CWF19L1: variants seen among roughly 807,000 people sequenced by gnomAD.
CWF19L1 encodes the protein CWF19 like cell cycle control factor 1.
Under a neutral mutation model 69.7 loss-of-function variants are expected in CWF19L1, and 60 were observed. That is an observed-to-expected ratio of 0.86 (90% CI 0.70 to 1.07). The LOEUF is 1.07. CWF19L1 is among the 50% of genes least tolerant of loss of function. The pLI is 0.00. For missense variants in CWF19L1, 591 were observed against 638.9 expected (o/e 0.92, Z 0.81); for synonymous variants, 209 against 222.2 (o/e 0.94, Z 0.53).
chr10:100,238,619 A>G (rs1846531766), intron 10 of CWF19L1, among the ~76,000 whole-genome samples: 2 of 152,146 alleles, frequency 1.3e-5, no homozygotes, highest in South Asian at 4.1e-4. Context: ...ACAAAAAGAT[A>G]CAACTTCTGA....
At chr10:100,247,301 ACT>A (rs1242682556) in intron 7 of CWF19L1, among the ~76,000 whole-genome samples, 1 of 152,160 alleles carries the variant, frequency 6.6e-6, no homozygotes, top group Admixed American at 6.5e-5. Flanking sequence ...ATCTTTGTGT[ACT>A]CTGTCCACAG....
rs1393371884 is a variant in CWF19L1, at chr10:100,256,308, A to G, written c.458T>C (p.Leu153Pro). 3.1e-6 allele frequency: 5 copies of G among 1,614,066 alleles called. No homozygotes were observed. The highest frequency in any genetic ancestry group is 4.2e-6 in the Non-Finnish European group (5 of 1,180,022). Residue 153 changes from leucine (L) to proline (P), a missense_variant, in exon 5 of 14, where the codon CTC becomes CCC. This residue lies in a region of CWF19L1 where 458 missense variants were observed against 489.3 expected (regional missense o/e 0.94). Transcript: ENST00000354105. ...TSQFKGVDIL[L>P]TSPWPKCVGN... ...CACACACTTGGGCCATGGGGATGTG[A>G]GCAAGATATCAACACCCTTAAACTG...
intron 10 of CWF19L1, among the ~76,000 whole-genome samples, chr10:100,242,673 CAA>C (rs397844633): frequency 0.25 from 22,295 of 88,550 alleles, 3,869 homozygotes; most frequent in African/African-American, 0.53. Context: ...GACTCCATCT[CAA>C]AAAAAAAAAA....
chr10:100,260,161 C>T, intron 4 of CWF19L1, 57 bp downstream of exon 4: 1 of 1,149,264 alleles, frequency 8.7e-7, no homozygotes, highest in South Asian at 1.3e-5. Context: ...GAGCAAGACT[C>T]CGTCTCAAAA....
At chr10:100,251,333 A>G (rs998409538) in intron 6 of CWF19L1, among the ~76,000 whole-genome samples, 2 of 152,160 alleles carry the variant, frequency 1.3e-5, no homozygotes, top group Non-Finnish European at 2.9e-5. Flanking sequence ...CACTCTCACC[A>G]GCAATGTGTG....
Position 100,246,936 on chromosome 10 carries a change from CT to C in CWF19L1, c.709-2del. The C allele has an allele frequency of 1.3e-6, 2 of 1,596,996 alleles. No homozygotes were observed. The highest frequency in any genetic ancestry group is 1.7e-6 in the Non-Finnish European group (2 of 1,168,626). On this transcript the variant is annotated splice_acceptor_variant, in intron 7 of 13. Transcript: ENST00000354105. LOFTEE classifies it high-confidence loss of function. Reference sequence around the variant, plus strand: ...GAACAATACTGAACGCGTAAAGATACTTTAGAGAAAAAGAACATAATGACAT... The same window carrying C: ...GAACAATACTGAACGCGTAAAGATACTTAGAGAAAAAGAACATAATGACAT...
chr10:100,239,947 C>T (rs371677827), intron 10 of CWF19L1, among the ~76,000 whole-genome samples: 33 of 152,320 alleles, frequency 2.2e-4, no homozygotes, highest in African/African-American at 7.5e-4. Context: ...AAGCCTGAGT[C>T]GTCTAGCTAT....
At chr10:100,257,550 G>A (rs1033202527) in intron 4 of CWF19L1, among the ~76,000 whole-genome samples, 1 of 151,584 alleles carries the variant, frequency 6.6e-6, no homozygotes, top group African/African-American at 2.4e-5. Flanking sequence ...TGCCCACCTC[G>A]ACCTCCCAAG....
At chr10:100,240,680 G>A (rs1846607203) in intron 10 of CWF19L1, among the ~76,000 whole-genome samples, 1 of 152,186 alleles carries the variant, frequency 6.6e-6, no homozygotes, top group Non-Finnish European at 1.5e-5. Flanking sequence ...GAGCAGCACT[G>A]AGCTATGTCA....
chr10:100,238,250 G>T lies in CWF19L1; in HGVS notation c.1045-19C>A. ...GGTAGCACTGAAGAAGCAGCACACA[G>T]AATTGAGACATCAATACAGCATGTA... On this transcript the variant is annotated intron_variant, in intron 10 of 13. Transcript: ENST00000354105. 1.2e-6 allele frequency: 2 copies of T among 1,610,122 alleles called. No individual in the cohort carries two copies. Among genetic ancestry groups the T allele is most frequent in the Non-Finnish European group, 8.5e-7 (1 of 1,176,412 alleles).
At chr10:100,241,529 C>T (rs1342083714) in intron 10 of CWF19L1, among the ~76,000 whole-genome samples, 1 of 152,202 alleles carries the variant, frequency 6.6e-6, no homozygotes, top group East Asian at 1.9e-4. Context: ...GATGAAGGCA[C>T]CTGTCTTCAG....
In CWF19L1 at chr10:100,245,799, G is replaced by A. The variant is rs557407789; in HGVS notation, c.964C>T (p.Pro322Ser). The part of the protein sequence containing the change: ...SPHPKQPRKP[P>S]QPPGPCWFCL... ...AAACCTCTGGAATAAAGGTACTTACGAGGTTTGCGAGGCTGCTTTGGATGA... is the reference window on the plus strand; with the variant it reads ...AAACCTCTGGAATAAAGGTACTTACAAGGTTTGCGAGGCTGCTTTGGATGA... The change falls in exon 9 of 14, where the codon CCT (proline) becomes TCT (serine). Residue 322 changes from proline to serine, a missense_variant and splice_region_variant. By Grantham distance (74) the Pro-to-Ser change is moderately conservative. Transcript: ENST00000354105. 4.5e-5 allele frequency: 72 copies of A among 1,610,454 alleles called. No individual in the cohort carries two copies. Among genetic ancestry groups the A allele is most frequent in the Admixed American group, 1.8e-4 (11 of 60,012 alleles).
intron 7 of CWF19L1, among the ~76,000 whole-genome samples, chr10:100,249,502 T>C (rs953186336): frequency 1.3e-5 from 2 of 152,156 alleles, no homozygotes; most frequent in African/African-American, 4.8e-5. Context: ...TGTTTTCCAA[T>C]ACAAAGATAG....
At chr10:100,238,813 T>A (rs757265761) in intron 10 of CWF19L1, among the ~76,000 whole-genome samples, 21 of 151,202 alleles carry the variant, frequency 1.4e-4, no homozygotes, top group Non-Finnish European at 2.8e-4. Flanking sequence ...GTGCCTGTAG[T>A]CCCAGCTACT....
At chr10:100,254,785 T>C (rs1262925936) in intron 5 of CWF19L1, among the ~76,000 whole-genome samples, 1 of 152,190 alleles carries the variant, frequency 6.6e-6, no homozygotes, top group Non-Finnish European at 1.5e-5. Context: ...TGTGTCTTTC[T>C]CTCTTCCTTC....
chr10:100,252,669 T>C (rs983763811), intron 6 of CWF19L1, among the ~76,000 whole-genome samples: 5 of 151,748 alleles, frequency 3.3e-5, no homozygotes, highest in African/African-American at 4.8e-5. Flanking sequence ...CCCGTCTCTA[T>C]TAAAAATACA....
intron 5 of CWF19L1, chr10:100,254,009 T>C (rs1189647064): frequency 6.6e-6 from 1 of 152,666 alleles, no homozygotes; most frequent in Admixed American, 6.5e-5. Context: ...GCCTCCCTAG[T>C]AGCTGGGATT....
At chr10:100,239,282 A>G (rs941985315) in intron 10 of CWF19L1, among the ~76,000 whole-genome samples, 15 of 152,344 alleles carry the variant, frequency 9.8e-5, no homozygotes, top group African/African-American at 3.6e-4. Flanking sequence ...TGATGGGAAG[A>G]TGCCATGAGT....
chr10:100,248,598 T>C, intron 7 of CWF19L1: 1 of 741,550 alleles, frequency 1.3e-6, no homozygotes, highest in Non-Finnish European at 2.5e-6. Flanking sequence ...AAGAGGATTA[T>C]GATAAGCGTG....
Sources: allele counts gnomAD v4.1 joint callset (sites outside exome capture counted in the v4.1 genomes callset), GRCh38; gene constraint gnomAD v4.1.1; regional missense constraint gnomAD v4.1.1; transcripts MANE v1.5; gene names NCBI Gene and HGNC (gene_info 2026-07-23, HGNC 2026-07-21).